Variants in KLF12 observed in about 807,000 individuals in gnomAD.
KLF12 encodes Krueppel-like factor 12.
Under a neutral mutation model 37.8 loss-of-function variants are expected in KLF12, and 9 were observed. The ratio of observed to expected loss-of-function variants is 0.24; its 90% CI spans 0.14 to 0.42. KLF12 has a LOEUF of 0.42. Among genes scored for constraint, KLF12 ranks in the 10% least tolerant of loss-of-function variants. The probability of loss-of-function intolerance (pLI) is 1.00; values close to 1 mark genes in which losing one functional copy is unlikely to be tolerated. For missense variants in KLF12, 411 were observed against 516.0 expected, an observed-to-expected ratio of 0.80 and a Z score of 1.97; for synonymous variants, 208 against 202.1, an observed-to-expected ratio of 1.03 and a Z score of -0.25.
chr13:74,158,998 T>A, the KLF12 span, among the ~76,000 whole-genome samples: 17 of 152,214 alleles, frequency 1.1e-4, no homozygotes. Context: ...TATGTGCTAG[T>A]CAGAGGGACT....
chr13:74,243,980 A>G, the KLF12 span, among the ~76,000 whole-genome samples: 3 of 152,212 alleles, frequency 2.0e-5, no homozygotes, highest in Non-Finnish European at 4.4e-5. Context: ...TTGGGGTTAG[A>G]AAAACTGAAT....
chr13:73,899,334 G>C (rs1448071948), intron 3 of KLF12, among the ~76,000 whole-genome samples: 16 of 152,164 alleles, frequency 1.1e-4, no homozygotes, highest in Non-Finnish European at 2.4e-4. Context: ...ATATCCGTCT[G>C]TTTCCACCTA....
intron 6 of KLF12, among the ~76,000 whole-genome samples, chr13:73,718,739 CA>C (rs1162296873): frequency 6.6e-6 from 1 of 152,040 alleles, no homozygotes; most frequent in African/African-American, 2.4e-5. Context: ...CAAAAACATA[CA>C]AAAATTAGCT....
chr13:73,981,086 G>C (rs1891678164), intron 2 of KLF12, among the ~76,000 whole-genome samples: 1 of 152,096 alleles, frequency 6.6e-6, no homozygotes, highest in Non-Finnish European at 1.5e-5. Context: ...CTTGAGCCAG[G>C]GCAGTTGAGG....
chr13:74,157,670 C>G, the KLF12 span, among the ~76,000 whole-genome samples: 1 of 152,160 alleles, frequency 6.6e-6, no homozygotes, highest in African/African-American at 2.4e-5. Flanking sequence ...CTGGGATGTA[C>G]CCCAGACCAG....
At chr13:73,864,155 G>A (rs1886063466) in intron 3 of KLF12, among the ~76,000 whole-genome samples, 1 of 152,050 alleles carries the variant, frequency 6.6e-6, no homozygotes, top group African/African-American at 2.4e-5. Context: ...ATAATTTGTA[G>A]TAAATGGAAT....
chr13:74,219,494 T>C, the KLF12 span, among the ~76,000 whole-genome samples: 90 of 152,378 alleles, frequency 5.9e-4, no homozygotes, highest in African/African-American at 1.6e-3. Flanking sequence ...GCAATTCATA[T>C]ACCTTGTATG....
intron 1 of KLF12, among the ~76,000 whole-genome samples, chr13:74,002,305 C>T (rs1055602727): frequency 6.6e-6 from 1 of 152,236 alleles, no homozygotes; most frequent in African/African-American, 2.4e-5. Flanking sequence ...CTCATTACTA[C>T]ATAATCCCAG....
chr13:74,169,320 C>T, the KLF12 span, among the ~76,000 whole-genome samples: 2 of 152,142 alleles, frequency 1.3e-5, no homozygotes, highest in Non-Finnish European at 2.9e-5. Context: ...CCATCTAACA[C>T]TAACATTGTG....
chr13:73,709,917 C>T (rs962042718), intron 7 of KLF12, among the ~76,000 whole-genome samples: 3 of 152,044 alleles, frequency 2.0e-5, no homozygotes, highest in Non-Finnish European at 2.9e-5. Flanking sequence ...AATTACCTGG[C>T]ACAGATGAAG....
At chr13:74,239,929 T>C in the KLF12 span, among the ~76,000 whole-genome samples, 2 of 151,208 alleles carry the variant, frequency 1.3e-5, no homozygotes, top group African/African-American at 4.9e-5. Context: ...AATTGGAGCA[T>C]TTAGTCCATT....
At chr13:74,153,631 C>G in the KLF12 span, among the ~76,000 whole-genome samples, 1 of 152,194 alleles carries the variant, frequency 6.6e-6, no homozygotes, top group African/African-American at 2.4e-5. Context: ...TCTCAAAGAT[C>G]CAAGAACCAG....
the KLF12 span, among the ~76,000 whole-genome samples, chr13:74,212,456 A>T: frequency 6.6e-6 from 1 of 152,148 alleles, no homozygotes. Context: ...TGGATGATAT[A>T]ATTGTAGTTT....
intron 1 of KLF12, among the ~76,000 whole-genome samples, chr13:74,094,033 T>G (rs1276001447): frequency 6.6e-6 from 1 of 151,900 alleles, no homozygotes; most frequent in Non-Finnish European, 1.5e-5. Context: ...CACTTTAAAT[T>G]AGTATATTTG....
At chr13:74,234,074 TAGG>T in the KLF12 span, among the ~76,000 whole-genome samples, 1 of 152,168 alleles carries the variant, frequency 6.6e-6, no homozygotes, top group African/African-American at 2.4e-5. Context: ...ATGTTGATAA[TAGG>T]AGGATAACAG....
In KLF12 at chr13:73,690,925, T is replaced by A. The variant is rs1873785641; in HGVS notation, c.*4565A>T. 1 of 152,654 alleles carries A rather than the reference T, an allele frequency of 6.6e-6. No homozygotes were observed. The highest frequency in any genetic ancestry group is 2.4e-5 in the African/African-American group (1 of 41,466). The allele number at this position is 152,654 out of a possible 1,614,324, so 9.5% of individuals were successfully genotyped here. A position where few individuals can be genotyped will look rare whatever the true frequency, so the allele number is the denominator to read the frequency against. Reference sequence around the variant, plus strand: ...ATGAAAATCTGGATTTCTATTGCAATTGCTCAGTAATTAGCATATTTAAAG... The same window carrying A: ...ATGAAAATCTGGATTTCTATTGCAAATGCTCAGTAATTAGCATATTTAAAG... On this transcript the variant is annotated 3_prime_UTR_variant, in exon 8 of 8. Coordinates refer to ENST00000377669, the MANE Select transcript of KLF12 (RefSeq NM_007249.5).
chr13:73,962,360 A>G (rs1468150185), intron 2 of KLF12, among the ~76,000 whole-genome samples: 1 of 152,222 alleles, frequency 6.6e-6, no homozygotes, highest in Non-Finnish European at 1.5e-5. Flanking sequence ...AGGGCATAGA[A>G]GATTTCTAGA....
intron 6 of KLF12, among the ~76,000 whole-genome samples, chr13:73,727,864 AT>A (rs1358904743): frequency 2.6e-5 from 4 of 151,968 alleles, no homozygotes; most frequent in Non-Finnish European, 5.9e-5. Context: ...TGCCTGGCTA[AT>A]TTTTGTATTT....
chr13:73,816,726 G>A (rs1883240950), intron 4 of KLF12, among the ~76,000 whole-genome samples: 1 of 152,216 alleles, frequency 6.6e-6, no homozygotes, highest in Admixed American at 6.5e-5. Flanking sequence ...ATTAGCAAAT[G>A]TGACACAAGT....
Sources: gnomAD v4.1 joint callset for allele counts (sites outside exome capture counted in the v4.1 genomes callset) on GRCh38, gnomAD v4.1.1 for gene constraint, MANE v1.5 for transcripts, NCBI Gene and HGNC (gene_info 2026-07-23, HGNC 2026-07-21) for gene names.